Variants in VPS16 observed in about 807,000 individuals in gnomAD.
The protein encoded by VPS16 is vacuolar protein sorting-associated protein 16 homolog.
Under a neutral mutation model 116.0 loss-of-function variants are expected in VPS16, and 82 were observed. That is an observed-to-expected ratio of 0.71 (90% CI 0.59 to 0.85). The LOEUF is 0.85. VPS16 is among the 40% of genes least tolerant of loss of function. The pLI is 0.00. For missense variants in VPS16, 928 were observed against 1,090.6 expected (o/e 0.85, Z 2.10); for synonymous variants, 406 against 420.7 (o/e 0.96, Z 0.43).
rs553324146 is a variant in VPS16, at chr20:2,860,393, G to A, written c.369+26G>A. 7.1e-4 allele frequency: 1,145 copies of A among 1,614,086 alleles called. 9 individuals are homozygous for A. In the South Asian group the frequency reaches 0.012, roughly 16 times the overall value. ...GTAGGGGTCACAGAGGGCTGGGGAC[G>A]CGGGGTAGAGTTTATGACCCTGTGG... On this transcript the variant is annotated intron_variant, in intron 4 of 23. Coordinates refer to ENST00000380445, the MANE Select transcript of VPS16 (RefSeq NM_022575.4). The surrounding 1 kb of genome is among the most constrained non-coding windows in gnomAD (Gnocchi z 6.1).
intron 1 of VPS16, among the ~76,000 whole-genome samples, chr20:2,849,364 G>T (rs973309802): frequency 6.7e-6 from 1 of 148,792 alleles, no homozygotes; most frequent in Non-Finnish European, 1.5e-5. Context: ...GCAATGGCAC[G>T]ATTTTGGCTC....
intron 1 of VPS16, among the ~76,000 whole-genome samples, chr20:2,855,526 C>T (rs1403873574): frequency 2.0e-5 from 3 of 152,192 alleles, no homozygotes; most frequent in East Asian, 1.9e-4. Flanking sequence ...TGTCCTTACA[C>T]GCTTTGAAGC....
At chr20:2,843,956 G>T (rs1489905153) in intron 1 of VPS16, among the ~76,000 whole-genome samples, 2 of 152,182 alleles carry the variant, frequency 1.3e-5, no homozygotes, top group Non-Finnish European at 2.9e-5. Context: ...TACTTTATGT[G>T]TTTTAACTTG....
In VPS16 at chr20:2,863,807, A is replaced by C; in HGVS notation, c.1477-142A>C. On this transcript the variant is annotated intron_variant, in intron 15 of 23. Transcript: ENST00000380445. This position sits in a 1 kb window ranked among gnomAD's most constrained non-coding sequence, Gnocchi z 4.4. ...CGGGGGCGGAGGAGGAGGGAAAGAG[A>C]GAGAAAGAAGAAAGAGAGAAAGAAA... is the stretch of plus-strand genomic sequence containing the variant. 6.7e-6 allele frequency: 8 copies of C among 1,195,664 alleles called. No individual in the cohort carries two copies. The highest frequency in any genetic ancestry group is 8.0e-6 in the Non-Finnish European group (7 of 878,466). 74.1% of individuals were successfully genotyped at this position (1,195,664 alleles called of 1,614,324 possible). A position where few individuals can be genotyped will look rare whatever the true frequency, so the allele number is the denominator to read the frequency against.
At chr20:2,858,514 C>T (rs988370552) in intron 1 of VPS16, among the ~76,000 whole-genome samples, 4 of 151,924 alleles carry the variant, frequency 2.6e-5, no homozygotes, top group African/African-American at 9.7e-5. Flanking sequence ...ATTATGTTGG[C>T]TAGAACCACA....
intron 1 of VPS16, among the ~76,000 whole-genome samples, chr20:2,847,933 T>G (rs1252580678): frequency 6.6e-6 from 1 of 152,188 alleles, no homozygotes; most frequent in African/African-American, 2.4e-5. Context: ...TGTTTCCCTC[T>G]CTGCCCACCT....
At position 2,862,043 on chromosome 20, in the gene VPS16, C is replaced by G. The variant is rs925686621; in HGVS notation, c.995-11C>G. The G allele has an allele frequency of 6.2e-7, 1 of 1,613,458 alleles. No individual in the cohort carries two copies. The highest frequency in any genetic ancestry group is 8.5e-7 in the Non-Finnish European group (1 of 1,179,756). On this transcript the variant is annotated splice_polypyrimidine_tract_variant and intron_variant, in intron 10 of 23. Coordinates refer to ENST00000380445, the MANE Select transcript of VPS16 (RefSeq NM_022575.4). Reference sequence around the variant, plus strand: ...TGCCTTTCTCCCTCACTCACCAACTCCCTTCCCCAGCGGCCAGCGAGGAAA... The same window carrying G: ...TGCCTTTCTCCCTCACTCACCAACTGCCTTCCCCAGCGGCCAGCGAGGAAA...
At chr20:2,854,786 A>T (rs1416465785) in intron 1 of VPS16, among the ~76,000 whole-genome samples, 1 of 119,768 alleles carries the variant, frequency 8.3e-6, no homozygotes, top group Non-Finnish European at 1.6e-5. Context: ...ACAGAGTGAG[A>T]CTCCATCTCA....
Position 2,866,629 on chromosome 20 carries a change from G to T in VPS16, c.*55G>T. The stretch of plus-strand genomic sequence containing the variant: ...GGTTCCTCCCCTAGCACCTGGGCTT[G>T]GCAGAAGGGCCATAGTTCATCCAGC... On this transcript the variant is annotated 3_prime_UTR_variant, in exon 24 of 24. Transcript: ENST00000380445. 1 of 1,601,770 alleles carries T rather than the reference G, an allele frequency of 6.2e-7. No homozygotes were observed. Among genetic ancestry groups the T allele is most frequent in the South Asian group, 1.1e-5 (1 of 89,100 alleles).
intron 22 of VPS16, 182 bp from the exon 23 acceptor site, chr20:2,866,030 C>A: frequency 1.6e-6 from 1 of 620,706 alleles, no homozygotes; most frequent in Non-Finnish European, 2.8e-6. Context: ...TAGGTGATTT[C>A]TGCCCTAAGA....
Position 2,865,509 on chromosome 20 carries a change from C to T in VPS16, c.2271+14C>T. ...ATTGGCTACCTGGTGAGGCAGGGTC[C>T]TCCCTCCAGCCCACTTCCAGTGAGG... is the stretch of plus-strand genomic sequence containing the variant. On this transcript the variant is annotated intron_variant, in intron 22 of 23. Transcript: ENST00000380445. The surrounding 1 kb of genome is among the most constrained non-coding windows in gnomAD (Gnocchi z 5.2). 6.2e-7 allele frequency: 1 copy of T among 1,610,326 alleles called. No homozygotes were observed. Among genetic ancestry groups the T allele is most frequent in the Non-Finnish European group, 8.5e-7 (1 of 1,177,654 alleles).
chr20:2,855,050 TC>T (rs2089159977), intron 1 of VPS16, among the ~76,000 whole-genome samples: 1 of 139,330 alleles, frequency 7.2e-6, no homozygotes, highest in African/African-American at 2.7e-5. Flanking sequence ...AACCTCCGCC[TC>T]CTGGGTTCAA....
In VPS16 at chr20:2,865,643, G is replaced by A. The variant is rs677344; in HGVS notation, c.2271+148G>A. 425,534 of 733,456 alleles carry A rather than the reference G, an allele frequency of 0.58. 130,260 individuals are homozygous for A. The highest frequency in any genetic ancestry group is 0.87 in the East Asian group (31,974 of 36,898). 45.4% of individuals were successfully genotyped at this position (733,456 alleles called of 1,614,324 possible). On this transcript the variant is annotated intron_variant, in intron 22 of 23. Coordinates refer to ENST00000380445, the MANE Select transcript of VPS16 (RefSeq NM_022575.4). The surrounding 1 kb of genome is among the most constrained non-coding windows in gnomAD (Gnocchi z 5.2). ...GAGTGCTTCCTGTATACACATTTGT[G>A]GGCAGGCATCATCTGCTGTGTTGGG...
chr20:2,861,953 C>G, intron 10 of VPS16, 54 bp downstream of exon 10: 2 of 1,605,830 alleles, frequency 1.2e-6, no homozygotes, highest in Non-Finnish European at 1.7e-6. Flanking sequence ...CCTCGGCACC[C>G]CAGCTGCCCT....
At chr20:2,842,620 CTATCTATATCTATCTATAGA>C (rs1444626786) in intron 1 of VPS16, among the ~76,000 whole-genome samples, 79 of 126,990 alleles carry the variant, frequency 6.2e-4, no homozygotes, top group Non-Finnish European at 9.4e-4. Flanking sequence ...ATAGATATAT[CTATCTATATCTATCTATAGA>C]TAGATAGATA....
In VPS16 at chr20:2,864,666, A is replaced by ATGGGGCGTG. The variant is rs542749291; in HGVS notation, c.1926+28_1926+36dup. On this transcript the variant is annotated intron_variant, in intron 19 of 23. Transcript: ENST00000380445. The surrounding 1 kb of genome is among the most constrained non-coding windows in gnomAD (Gnocchi z 5.2). ...ATGCTGCAGAAGAGGTCTGAGATCCATGGGGCGTGTGGGGCGTGTGGGGCA... is the reference window on the plus strand; with the variant it reads ...ATGCTGCAGAAGAGGTCTGAGATCCATGGGGCGTGTGGGGCGTGTGGGGCGTGTGGGGCA... 6.9e-5 allele frequency: 111 copies of ATGGGGCGTG among 1,613,252 alleles called. No individual in the cohort carries two copies. The highest frequency in any genetic ancestry group is 2.5e-4 in the East Asian group (11 of 44,864).
At position 2,862,670 on chromosome 20, in the gene VPS16, G is replaced by A; in HGVS notation, c.1163G>A (p.Gly388Glu). ...GTGCAGCAGTGCATTGAGGCTGCAG[G>A]ACATGAGCACCAGCCAGACATGCAG... ...QAVQQCIEAA[G>E]HEHQPDMQKS... The change falls in exon 12 of 24, where the codon GGA becomes GAA. Residue 388 changes from glycine (G) to glutamate (E), a missense_variant. Gly to Glu is a moderately conservative substitution (Grantham distance 98). Transcript: ENST00000380445. 1 of 1,582,718 alleles carries A rather than the reference G, an allele frequency of 6.3e-7. No homozygotes were observed. The highest frequency in any genetic ancestry group is 8.6e-7 in the Non-Finnish European group (1 of 1,164,362).
chr20:2,857,788 G>GT (rs1241013662), intron 1 of VPS16, among the ~76,000 whole-genome samples: 1 of 152,058 alleles, frequency 6.6e-6, no homozygotes, highest in Non-Finnish European at 1.5e-5. Context: ...CTGGCTCACT[G>GT]TAACTTCTGC....
intron 1 of VPS16, among the ~76,000 whole-genome samples, chr20:2,842,958 T>C (rs2089023526): frequency 1.1e-5 from 1 of 94,894 alleles, no homozygotes; most frequent in African/African-American, 3.6e-5. Flanking sequence ...GGGTCTTACT[T>C]AAATAGAAGA....
Sources: gnomAD v4.1 joint callset for allele counts (sites outside exome capture counted in the v4.1 genomes callset) on GRCh38, gnomAD v4.1.1 for gene constraint, Gnocchi (gnomAD v3.1) non-coding constraint, MANE v1.5 for transcripts, NCBI Gene and HGNC (gene_info 2026-07-23, HGNC 2026-07-21) for gene names.